ACOT7: variants seen among roughly 807,000 people sequenced by gnomAD.
ACOT7 encodes the protein acyl-CoA thioesterase 7.
Under a neutral mutation model 40.2 loss-of-function variants are expected in ACOT7, and 12 were observed. The observed-to-expected ratio is 0.30, with a 90% CI of 0.19 to 0.48. ACOT7 has a LOEUF of 0.48. Ranked by LOEUF, ACOT7 falls within the 20% of genes least tolerant of loss-of-function variation. The pLI, the probability that ACOT7 is intolerant of heterozygous loss-of-function variation, is 0.99. For synonymous variants in ACOT7, 228 were observed against 219.5 expected, an observed-to-expected ratio of 1.04 and a Z score of -0.34; for missense variants, 395 against 530.8, an observed-to-expected ratio of 0.74 and a Z score of 2.51.
At chr1:6,291,499 G>A (rs1463316551) in intron 7 of ACOT7, among the ~76,000 whole-genome samples, 1 of 152,194 alleles carries the variant, frequency 6.6e-6, no homozygotes, top group African/African-American at 2.4e-5. Context: ...AGAACTGGGG[G>A]CGAACAGATG....
rs559572735 is a variant in ACOT7 at position 6,294,076 on chromosome 1, G to A, written c.829+788C>T. On this transcript the variant is annotated intron_variant, in intron 7 of 8. Coordinates refer to ENST00000361521, the MANE Select transcript of ACOT7 (RefSeq NM_007274.4). This position sits in a 1 kb window ranked among gnomAD's most constrained non-coding sequence, Gnocchi z 4.6. ...CAGCCAACAGCTCCTCCAACAAGCCGCTTTAATGAGGTGGTGTCCTCAGAA... is the reference window on the plus strand; with the variant it reads ...CAGCCAACAGCTCCTCCAACAAGCCACTTTAATGAGGTGGTGTCCTCAGAA... Among the ~76,000 whole-genome samples the A allele has an allele frequency of 3.3e-5, 5 of 152,342 alleles. No individual in the cohort carries two copies. The highest frequency in any genetic ancestry group is 3.9e-4 in the East Asian group (2 of 5,186).
chr1:6,393,124 G>A, intron 1 of ACOT7, 133 bp downstream of exon 1: 1 of 1,028,786 alleles, frequency 9.7e-7, no homozygotes, highest in Non-Finnish European at 1.2e-6. Flanking sequence ...GGGCGGCGGC[G>A]CGGAAGGCCG....
intron 6 of ACOT7, among the ~76,000 whole-genome samples, chr1:6,308,732 G>C (rs1216635367): frequency 1.3e-5 from 2 of 152,156 alleles, no homozygotes; most frequent in Admixed American, 1.3e-4. Flanking sequence ...ACCAGGCAGA[G>C]AGAACCATGA....
intron 1 of ACOT7, among the ~76,000 whole-genome samples, chr1:6,360,329 C>A (rs1440076235): frequency 6.6e-6 from 1 of 152,226 alleles, no homozygotes; most frequent in African/African-American, 2.4e-5. Flanking sequence ...CTAACCCTGG[C>A]TGAAAATGCC....
chr1:6,264,510 T>G lies in ACOT7; in HGVS notation c.*87A>C. The stretch of plus-strand genomic sequence containing the variant: ...CACCAGCTCTCAATGTGAATTGGGT[T>G]TTTGGCCAAGGGGGGAACTTCTAAG... On this transcript the variant is annotated 3_prime_UTR_variant, in exon 9 of 9. Transcript: ENST00000361521. 7 of 1,306,086 alleles carry G rather than the reference T, an allele frequency of 5.4e-6. No individual in the cohort carries two copies. Among genetic ancestry groups the G allele is most frequent in the Non-Finnish European group, 7.4e-6 (7 of 950,338 alleles). 80.9% of individuals were successfully genotyped at this position (1,306,086 alleles called of 1,614,324 possible).
intron 1 of ACOT7, chr1:6,385,828 GC>G (rs918631829): frequency 9.4e-6 from 13 of 1,382,694 alleles, no homozygotes; most frequent in Middle Eastern, 5.3e-4. Context: ...TCCCCCACCA[GC>G]CCCCGGCAAG....
intron 2 of ACOT7, among the ~76,000 whole-genome samples, chr1:6,347,855 G>C (rs1641477724): frequency 6.6e-6 from 1 of 152,026 alleles, no homozygotes; most frequent in South Asian, 2.1e-4. Context: ...AAGCATTCTG[G>C]AGCTTTGCAG....
intron 7 of ACOT7, among the ~76,000 whole-genome samples, chr1:6,286,108 T>G (rs531536547): frequency 6.6e-6 from 1 of 152,314 alleles, no homozygotes; most frequent in Admixed American, 6.5e-5. Context: ...CTCTTGGTCC[T>G]GACAATCAGC....
chr1:6,336,622 C>T (rs932996729), intron 3 of ACOT7, among the ~76,000 whole-genome samples: 28 of 152,276 alleles, frequency 1.8e-4, no homozygotes, highest in African/African-American at 6.5e-4. Context: ...CAGCTTATGA[C>T]TCAGCCTGCT....
chr1:6,302,604 G>A (rs777609154), intron 6 of ACOT7, among the ~76,000 whole-genome samples: 6 of 152,072 alleles, frequency 3.9e-5, no homozygotes, highest in Non-Finnish European at 8.8e-5. Flanking sequence ...AAAAACCATG[G>A]TCTGTGTGTC....
At chr1:6,324,049 A>G (rs1014497237) in intron 5 of ACOT7, among the ~76,000 whole-genome samples, 2 of 151,772 alleles carry the variant, frequency 1.3e-5, no homozygotes, top group South Asian at 4.2e-4. Flanking sequence ...ACATACGCAC[A>G]CTCTTCTCCC....
intron 5 of ACOT7, among the ~76,000 whole-genome samples, chr1:6,324,362 T>A (rs1009114572): frequency 1.3e-5 from 2 of 152,100 alleles, no homozygotes; most frequent in African/African-American, 4.8e-5. Flanking sequence ...TAAAAGCACA[T>A]ACAATCAGGA....
At chr1:6,327,243 C>A in intron 5 of ACOT7, 56 bp downstream of exon 5, 1 of 1,568,306 alleles carries the variant, frequency 6.4e-7, no homozygotes, top group Non-Finnish European at 8.8e-7. Context: ...CTGCTCCTGC[C>A]TCCTATGCGT....
chr1:6,329,245 C>A lies in ACOT7; in HGVS notation c.511-1832G>T, dbSNP rs114393360. Among the ~76,000 whole-genome samples the A allele has an allele frequency of 6.0e-3, 911 of 152,366 alleles. 5 individuals carry two copies. The highest frequency in any genetic ancestry group is 0.011 in the Non-Finnish European group (724 of 68,038). On this transcript the variant is annotated intron_variant, in intron 4 of 8. Transcript: ENST00000361521. ...GTTCCTCGGCGTAACTACCCATCAT[C>A]TTCAGTTGAGAACCCATCTTCAAAA...
intron 4 of ACOT7, among the ~76,000 whole-genome samples, chr1:6,329,240 A>C (rs1436833035): frequency 1.3e-5 from 2 of 152,258 alleles, no homozygotes; most frequent in Non-Finnish European, 2.9e-5. Context: ...GTAACTACCC[A>C]TCATCTTCAG....
chr1:6,345,658 G>T (rs1641399796), intron 2 of ACOT7, among the ~76,000 whole-genome samples: 1 of 152,224 alleles, frequency 6.6e-6, no homozygotes, highest in Non-Finnish European at 1.5e-5. Context: ...GGCCCAGAGA[G>T]GGTGCGGTCT....
Position 6,278,962 on chromosome 1 carries a change from G to A in ACOT7, c.1014+2140C>T, listed in dbSNP as rs895986091. Among the ~76,000 whole-genome samples, 3 of 152,196 alleles carry A rather than the reference G, an allele frequency of 2.0e-5. No individual in the cohort carries two copies. Among genetic ancestry groups the A allele is most frequent in the East Asian group, 1.9e-4 (1 of 5,182 alleles). ...CAGGAGGCAGGAAGAGGTAGGGGGC[G>A]GGGAAGGAGAGAGCTTCGGAAATGT... On this transcript the variant is annotated intron_variant, in intron 8 of 8. Coordinates refer to ENST00000361521, the MANE Select transcript of ACOT7 (RefSeq NM_007274.4). The surrounding 1 kb of genome is among the most constrained non-coding windows in gnomAD (Gnocchi z 4.1).
intron 4 of ACOT7, among the ~76,000 whole-genome samples, chr1:6,329,591 A>G (rs1640899682): frequency 6.6e-6 from 1 of 151,922 alleles, no homozygotes; most frequent in Admixed American, 6.6e-5. Flanking sequence ...GATGGGGCCC[A>G]GTCCTGGACA....
At chr1:6,284,576 C>CAAAAA (rs561943319) in intron 7 of ACOT7, among the ~76,000 whole-genome samples, 8 of 57,964 alleles carry the variant, frequency 1.4e-4, no homozygotes, top group African/African-American at 2.0e-4. Flanking sequence ...AACTCCATCT[C>CAAAAA]AAAAAAAAAA....
Sources: gnomAD v4.1 joint callset for allele counts (sites outside exome capture counted in the v4.1 genomes callset) on GRCh38, gnomAD v4.1.1 for gene constraint, Gnocchi (gnomAD v3.1) non-coding constraint, MANE v1.5 for transcripts, NCBI Gene and HGNC (gene_info 2026-07-23, HGNC 2026-07-21) for gene names.